The following CXADR variants were observed in gnomAD, a reference collection of about 807,000 sequenced individuals.
The protein encoded by CXADR is CXADR cell adhesion molecule.
CXADR carries 20 observed loss-of-function variants against 40.3 expected under a neutral mutation model. The ratio of observed to expected loss-of-function variants is 0.50; its 90% CI spans 0.35 to 0.72. The LOEUF (loss-of-function observed/expected upper bound fraction) is 0.72. CXADR is among the 30% of genes least tolerant of loss of function. CXADR has a pLI of 0.01. For missense variants in CXADR, 332 were observed against 449.1 expected (o/e 0.74, Z 2.36); for synonymous variants, 150 against 161.3 (o/e 0.93, Z 0.53).
intron 7 of CXADR, among the ~76,000 whole-genome samples, chr21:17,578,521 T>C (rs1307298251): frequency 1.3e-5 from 2 of 152,158 alleles, no homozygotes; most frequent in Non-Finnish European, 2.9e-5. Flanking sequence ...GGTCAACACT[T>C]AGAACAGTGG....
exon 8 of CXADR, chr21:17,593,242 T>G: frequency 7.3e-7 from 1 of 1,362,360 alleles, no homozygotes; most frequent in South Asian, 1.9e-5. Context: ...GACTTTATTT[T>G]AGGCCTCTAG....
chr21:17,601,192 G>T, the CXADR span, among the ~76,000 whole-genome samples: 1 of 152,012 alleles, frequency 6.6e-6, no homozygotes, highest in South Asian at 2.1e-4. Flanking sequence ...CTACGGGATG[G>T]TAGAAAGGGC....
At chr21:17,545,362 A>T (rs2060882703) in intron 1 of CXADR, among the ~76,000 whole-genome samples, 1 of 152,134 alleles carries the variant, frequency 6.6e-6, no homozygotes, top group Admixed American at 6.5e-5. Context: ...TGCTATGCAT[A>T]CTTTTATAGT....
At chr21:17,535,069 A>G (rs1281584835) in intron 1 of CXADR, among the ~76,000 whole-genome samples, 2 of 151,684 alleles carry the variant, frequency 1.3e-5, no homozygotes, top group African/African-American at 2.4e-5. Context: ...GGCATGAGCC[A>G]CCGCGCCCGG....
chr21:17,524,575 C>CAAAAAAAAA (rs71189539), intron 1 of CXADR, among the ~76,000 whole-genome samples: 1 of 43,828 alleles, frequency 2.3e-5, no homozygotes. Context: ...GACTCTATCT[C>CAAAAAAAAA]AAAAAAAAAA....
intron 7 of CXADR, among the ~76,000 whole-genome samples, chr21:17,590,572 C>T (rs767072696): frequency 4.6e-5 from 7 of 151,942 alleles, no homozygotes; most frequent in East Asian, 1.9e-4. Flanking sequence ...CTTCGCAGTA[C>T]GAGTCAATGC....
At chr21:17,603,722 C>T in the CXADR span, among the ~76,000 whole-genome samples, 1 of 152,304 alleles carries the variant, frequency 6.6e-6, no homozygotes, top group Non-Finnish European at 1.5e-5. Context: ...TCATCTTCTT[C>T]CTGCTAGTTA....
At chr21:17,592,451 C>G (rs554490269) in intron 7 of CXADR, among the ~76,000 whole-genome samples, 4 of 151,704 alleles carry the variant, frequency 2.6e-5, no homozygotes, top group South Asian at 2.1e-4. Flanking sequence ...AGATGAAAAA[C>G]CTACAGATGA....
Position 17,566,325 on chromosome 21 carries a change from A to G in CXADR, c.*633A>G. The stretch of plus-strand genomic sequence containing the variant: ...AAATGACTTCTTAAATATTTAGTTG[A>G]TAGACTGCTACAGGTAATAGGGACT... On this transcript the variant is annotated 3_prime_UTR_variant, in exon 7 of 7. Transcript: ENST00000284878. 4 of 984,264 alleles carry G rather than the reference A, an allele frequency of 4.1e-6. No individual in the cohort carries two copies. The highest frequency in any genetic ancestry group is 4.8e-6 in the Non-Finnish European group (4 of 828,842). The allele number at this position is 984,264 out of a possible 1,614,324, so 61.0% of individuals were successfully genotyped here.
rs2061228765 is a variant in CXADR, at chr21:17,567,685, G to T, written c.*1993G>T. ...GCCATTTTTGAAAGTCAGATGTTTGGCCTGTTTTATATGAATAAAGTTTAT... is the reference window on the plus strand; with the variant it reads ...GCCATTTTTGAAAGTCAGATGTTTGTCCTGTTTTATATGAATAAAGTTTAT... On this transcript the variant is annotated 3_prime_UTR_variant, in exon 7 of 7. Coordinates refer to ENST00000284878, the MANE Select transcript of CXADR (RefSeq NM_001338.5). 1 of 937,402 alleles carries T rather than the reference G, an allele frequency of 1.1e-6. No homozygotes were observed. Among genetic ancestry groups the T allele is most frequent in the Non-Finnish European group, 1.3e-6 (1 of 785,900 alleles). The allele number at this position is 937,402 out of a possible 1,614,324, so 58.1% of individuals were successfully genotyped here.
downstream of CXADR, among the ~76,000 whole-genome samples, chr21:17,572,019 T>C (rs2061281126): frequency 6.6e-6 from 1 of 152,090 alleles, no homozygotes; most frequent in Non-Finnish European, 1.5e-5. Flanking sequence ...TATGTGTTCA[T>C]TAAATATGCA....
At chr21:17,615,208 A>G in the CXADR span, among the ~76,000 whole-genome samples, 1 of 152,178 alleles carries the variant, frequency 6.6e-6, no homozygotes, top group South Asian at 2.1e-4. Context: ...GTGAGGATAT[A>G]GGGAGAAGAC....
intron 3 of CXADR, among the ~76,000 whole-genome samples, chr21:17,557,669 C>T (rs924064923): frequency 5.3e-5 from 8 of 152,130 alleles, no homozygotes; most frequent in Non-Finnish European, 7.4e-5. Flanking sequence ...TATACAATAA[C>T]GGCTCAATCT....
rs919366183 is a variant in CXADR at position 17,568,253 on chromosome 21, C to T, written c.*2561C>T. 3.8e-5 allele frequency: 33 copies of T among 866,614 alleles called. No individual in the cohort carries two copies. The highest frequency in any genetic ancestry group is 4.3e-5 in the Non-Finnish European group (31 of 722,688). 53.7% of individuals were successfully genotyped at this position (866,614 alleles called of 1,614,324 possible). ...ACGCCATTCTCCTGCCTCAGCCTCC[C>T]GAGCAGCTGGGACTACAGGCTCCCA... On this transcript the variant is annotated 3_prime_UTR_variant, in exon 7 of 7. Coordinates refer to ENST00000284878, the MANE Select transcript of CXADR (RefSeq NM_001338.5).
chr21:17,555,035 A>G (rs2061016359), intron 3 of CXADR, among the ~76,000 whole-genome samples: 1 of 152,196 alleles, frequency 6.6e-6, no homozygotes, highest in Admixed American at 6.5e-5. Flanking sequence ...TCTTTCAGAC[A>G]CAGCAGAAGC....
chr21:17,565,187 T>C (rs924242650), intron 6 of CXADR, among the ~76,000 whole-genome samples: 2 of 152,196 alleles, frequency 1.3e-5, no homozygotes, highest in Admixed American at 6.5e-5. Flanking sequence ...ATACCATATT[T>C]CATTAAGTGT....
chr21:17,543,847 A>T (rs2060859761), intron 1 of CXADR, among the ~76,000 whole-genome samples: 1 of 152,192 alleles, frequency 6.6e-6, no homozygotes, highest in Non-Finnish European at 1.5e-5. Flanking sequence ...CATGGGAAGA[A>T]GATAAGTTTC....
intron 7 of CXADR, among the ~76,000 whole-genome samples, chr21:17,592,616 A>T (rs1359218499): frequency 2.6e-5 from 4 of 151,852 alleles, no homozygotes; most frequent in Non-Finnish European, 5.9e-5. Flanking sequence ...CAGTGTGATG[A>T]CTCTGAAAGT....
the CXADR span, chr21:17,613,637 C>CTTT: frequency 1.3e-5 from 2 of 152,216 alleles, no homozygotes; most frequent in Non-Finnish European, 2.9e-5. Context: ...AGAGTCCAGG[C>CTTT]TTTCTATTTC....
Sources: gnomAD v4.1 joint callset for allele counts (sites outside exome capture counted in the v4.1 genomes callset) on GRCh38, gnomAD v4.1.1 for gene constraint, MANE v1.5 for transcripts, NCBI Gene and HGNC (gene_info 2026-07-23, HGNC 2026-07-21) for gene names.